OR51B5: variants seen among roughly 807,000 people sequenced by gnomAD.
OR51B5 encodes olfactory receptor 51B5.
For synonymous variants in OR51B5, 186 were observed against 144.8 expected, an observed-to-expected ratio of 1.28 and a Z score of -2.04; for missense variants, 456 against 374.6, an observed-to-expected ratio of 1.22 and a Z score of -1.79.
intron 1 of OR51B5, chr11:5,453,654 C>T (rs1850893468): frequency 1.2e-6 from 2 of 1,613,412 alleles, no homozygotes; most frequent in Non-Finnish European, 1.7e-6. Context: ...GCCCAGCCTC[C>T]ATGAGCCCAT....
intron 1 of OR51B5, among the ~76,000 whole-genome samples, chr11:5,366,931 G>C (rs780615766): frequency 1.3e-5 from 2 of 152,158 alleles, no homozygotes; most frequent in African/African-American, 4.8e-5. Context: ...TCCCTGCCTG[G>C]ACTTGGTGTC....
intron 1 of OR51B5, among the ~76,000 whole-genome samples, chr11:5,434,000 C>T (rs968362719): frequency 6.6e-6 from 1 of 152,148 alleles, no homozygotes; most frequent in Non-Finnish European, 1.5e-5. Flanking sequence ...AAATGTGTTT[C>T]CTTGTGCCTC....
At chr11:5,351,414 T>C in intron 1 of OR51B5, 1 of 628,522 alleles carries the variant, frequency 1.6e-6, no homozygotes, top group South Asian at 2.2e-5. Context: ...GTGAACATCT[T>C]ATGAACAGGT....
intron 1 of OR51B5, among the ~76,000 whole-genome samples, chr11:5,439,644 C>A (rs1311971814): frequency 2.6e-5 from 4 of 152,170 alleles, no homozygotes; most frequent in Admixed American, 2.0e-4. Context: ...GAATTTGCAT[C>A]TCTAACAAGT....
chr11:5,418,219 C>T (rs1850271248), intron 1 of OR51B5, among the ~76,000 whole-genome samples: 1 of 151,764 alleles, frequency 6.6e-6, no homozygotes, highest in East Asian at 2.0e-4. Flanking sequence ...AACACATGGA[C>T]ACAGGAAGGG....
At chr11:5,413,643 T>C (rs4910559) in intron 1 of OR51B5, among the ~76,000 whole-genome samples, 124,960 of 152,086 alleles carry the variant, frequency 0.82, 52,164 homozygotes, top group Non-Finnish European at 0.89. Context: ...AATGCAGAAG[T>C]CTCAGGAGCC....
At chr11:5,417,133 A>T (rs917041009) in intron 1 of OR51B5, among the ~76,000 whole-genome samples, 1 of 152,126 alleles carries the variant, frequency 6.6e-6, no homozygotes, top group Non-Finnish European at 1.5e-5. Flanking sequence ...GCATATCTGC[A>T]ACTATCTGAT....
intron 1 of OR51B5, chr11:5,453,724 C>T: frequency 6.2e-7 from 1 of 1,614,098 alleles, no homozygotes; most frequent in Non-Finnish European, 8.5e-7. Flanking sequence ...GCCACACTGC[C>T]CACTGTACTC....
chr11:5,376,307 G>T (rs1298250707), intron 1 of OR51B5, among the ~76,000 whole-genome samples: 1 of 152,048 alleles, frequency 6.6e-6, no homozygotes, highest in Non-Finnish European at 1.5e-5. Flanking sequence ...GGACACATTC[G>T]AATCAGTGTG....
intron 1 of OR51B5, among the ~76,000 whole-genome samples, chr11:5,452,894 G>T: frequency 6.6e-6 from 1 of 152,110 alleles, no homozygotes; most frequent in East Asian, 1.9e-4. Context: ...CAGTAATTCT[G>T]CCAATGAAAA....
intron 1 of OR51B5, among the ~76,000 whole-genome samples, chr11:5,352,610 C>A (rs1849116586): frequency 6.6e-6 from 1 of 152,062 alleles, no homozygotes; most frequent in South Asian, 2.1e-4. Context: ...CATTATTTTA[C>A]CCTGCCTGTC....
At chr11:5,351,274 G>T (rs77417737) in intron 1 of OR51B5, among the ~76,000 whole-genome samples, 47 of 152,184 alleles carry the variant, frequency 3.1e-4, no homozygotes, top group African/African-American at 1.1e-3. Flanking sequence ...TATCCCCAAC[G>T]TAGTATCCAA....
intron 1 of OR51B5, among the ~76,000 whole-genome samples, chr11:5,461,365 T>C (rs1482642482): frequency 6.6e-6 from 1 of 152,088 alleles, no homozygotes; most frequent in Non-Finnish European, 1.5e-5. Flanking sequence ...GCAAAAGAGC[T>C]ATGGCAGCAG....
In OR51B5 at chr11:5,449,988, C is replaced by A. The variant is rs559414302; in HGVS notation, n.84+55581G>T. On this transcript the variant is annotated intron_variant and non_coding_transcript_variant, in intron 1 of 4. Coordinates refer to the OR51B5 transcript ENST00000415970. ...CCAGCCTCTACCTTCTTTCTGCCCC[C>A]ATAACAGCACCATAGCAAACTCTCA... 7.8e-4 allele frequency among the ~76,000 whole-genome samples: 119 copies of A among 152,238 alleles called. 3 individuals are homozygous for A. In the South Asian group the frequency reaches 0.023, roughly 30 times the overall value.
At chr11:5,437,272 T>C (rs1564812965) in intron 1 of OR51B5, among the ~76,000 whole-genome samples, 1 of 152,112 alleles carries the variant, frequency 6.6e-6, no homozygotes, top group African/African-American at 2.4e-5. Context: ...ACAGTCTAGA[T>C]CCCTGAATTC....
intron 1 of OR51B5, among the ~76,000 whole-genome samples, chr11:5,476,001 C>T (rs2133804388): frequency 6.6e-6 from 1 of 152,292 alleles, no homozygotes; most frequent in Non-Finnish European, 1.5e-5. Flanking sequence ...AACTGAATTC[C>T]AGTCCAAACC....
chr11:5,490,012 A>C (rs1320316388), intron 1 of OR51B5, among the ~76,000 whole-genome samples: 1 of 152,202 alleles, frequency 6.6e-6, no homozygotes, highest in Non-Finnish European at 1.5e-5. Context: ...AACAAAGAAA[A>C]GGTTTGGAAT....
intron 1 of OR51B5, among the ~76,000 whole-genome samples, chr11:5,384,332 C>G (rs1181193971): frequency 6.6e-6 from 1 of 152,164 alleles, no homozygotes; most frequent in Non-Finnish European, 1.5e-5. Flanking sequence ...CCACCATATA[C>G]AGCAGTCTGG....
At position 5,479,982 on chromosome 11, in the gene OR51B5, G is replaced by A. The variant is rs1471458990; in HGVS notation, n.84+25587C>T. Among the ~76,000 whole-genome samples the A allele has an allele frequency of 6.1e-5, 9 of 147,332 alleles. 1 individual carries two copies. In the East Asian group the frequency reaches 1.8e-3, roughly 30 times the overall value. ...ACAGAAAGTCAACAAGGATACCCAG[G>A]AATTGAACTCAGCTCTGCACCAAGC... On this transcript the variant is annotated intron_variant and non_coding_transcript_variant, in intron 1 of 4. Coordinates refer to the OR51B5 transcript ENST00000415970.
Sources: allele counts gnomAD v4.1 joint callset (sites outside exome capture counted in the v4.1 genomes callset), GRCh38; gene constraint gnomAD v4.1.1; transcripts MANE v1.5; gene names NCBI Gene and HGNC (gene_info 2026-07-23, HGNC 2026-07-21).